The following CMC1 variants were observed in gnomAD, a reference collection of about 807,000 sequenced individuals.
CMC1 encodes COX assembly mitochondrial protein homolog.
Under a neutral mutation model 14.1 loss-of-function variants are expected in CMC1, and 14 were observed. That is an observed-to-expected ratio of 0.99 (90% CI 0.66 to 1.55). The LOEUF is 1.55. CMC1 is among the 40% of genes most tolerant of loss of function. The probability of loss-of-function intolerance (pLI) is 0.00; values close to 1 mark genes in which losing one functional copy is unlikely to be tolerated. For missense variants in CMC1, 127 were observed against 123.8 expected, an observed-to-expected ratio of 1.03 and a Z score of -0.12; for synonymous variants, 50 against 38.4, an observed-to-expected ratio of 1.30 and a Z score of -1.12.
intron 2 of CMC1, among the ~76,000 whole-genome samples, chr3:28,275,156 TGGA>T (rs1465356869): frequency 1.3e-5 from 2 of 152,122 alleles, no homozygotes; most frequent in African/African-American, 4.8e-5. Flanking sequence ...TGCGATCATT[TGGA>T]GGAGAAGAGG....
At chr3:28,282,654 T>C (rs1700959153) in intron 2 of CMC1, among the ~76,000 whole-genome samples, 2 of 152,194 alleles carry the variant, frequency 1.3e-5, no homozygotes, top group South Asian at 4.1e-4. Flanking sequence ...AAGTTCACAT[T>C]GTCAGGCTGC....
At chr3:28,296,456 T>G (rs1187770924) in intron 2 of CMC1, among the ~76,000 whole-genome samples, 1 of 152,080 alleles carries the variant, frequency 6.6e-6, no homozygotes, top group Non-Finnish European at 1.5e-5. Flanking sequence ...CCTTAGTAAT[T>G]ATTTAGCATT....
rs571863859 is a variant in CMC1 at position 28,324,127 on chromosome 3, G to A, written c.*4498G>A. The A allele has an allele frequency of 2.5e-6, 4 of 1,610,374 alleles. No homozygotes were observed. In the East Asian group the frequency reaches 8.9e-5, roughly 36 times the overall value. ...GGGTAAAGGCAAAGTTTTAGTTTTAGTTTCCCCAAATGCTGTCTCACTTGA... is the reference window on the plus strand; with the variant it reads ...GGGTAAAGGCAAAGTTTTAGTTTTAATTTCCCCAAATGCTGTCTCACTTGA... On this transcript the variant is annotated 3_prime_UTR_variant, in exon 4 of 4. Transcript: ENST00000466830.
chr3:28,290,770 A>T (rs7623696), intron 2 of CMC1, among the ~76,000 whole-genome samples: 3,608 of 152,198 alleles, frequency 0.024, 62 homozygotes, highest in Non-Finnish European at 0.038. Flanking sequence ...TAAAACGAGG[A>T]TTAACATTTG....
At chr3:28,294,757 T>C (rs1261445003) in intron 2 of CMC1, among the ~76,000 whole-genome samples, 2 of 152,142 alleles carry the variant, frequency 1.3e-5, no homozygotes, top group African/African-American at 4.8e-5. Context: ...AATTTGTTTG[T>C]GTTCATTGAG....
chr3:28,243,821 C>T (rs1429877088), intron 1 of CMC1, among the ~76,000 whole-genome samples: 1 of 152,304 alleles, frequency 6.6e-6, no homozygotes. Context: ...TACACAGACA[C>T]GTGCGTGGGC....
intron 1 of CMC1, chr3:28,253,588 A>C (rs879671317): frequency 6.6e-5 from 27 of 408,394 alleles, no homozygotes; most frequent in East Asian, 2.9e-4. Context: ...CTCAAAAAAC[A>C]AAAACCAAAA....
chr3:28,253,672 T>C, intron 1 of CMC1: 1 of 923,988 alleles, frequency 1.1e-6, no homozygotes, highest in Non-Finnish European at 1.5e-6. Flanking sequence ...ATAGAAACTA[T>C]TGCTAATGAG....
Position 28,319,609 on chromosome 3 carries a change from A to G in CMC1, c.301A>G (p.Lys101Glu). 1 of 1,607,602 alleles carries G rather than the reference A, an allele frequency of 6.2e-7. No homozygotes were observed. The highest frequency in any genetic ancestry group is 8.5e-7 in the Non-Finnish European group (1 of 1,176,658). ...TGIPTKKRLQ[K>E]LPTSM ...AATTCCTACAAAGAAAAGGCTACAG[A>G]AGCTTCCAACAAGCATGTAGGCAGA... Residue 101 changes from lysine to glutamate, a missense_variant, in exon 4 of 4, where the codon AAG (lysine) becomes GAG (glutamate). Coordinates refer to ENST00000466830, the MANE Select transcript of CMC1 (RefSeq NM_182523.2).
chr3:28,254,760 A>G (rs1266719380), intron 1 of CMC1, among the ~76,000 whole-genome samples: 2 of 152,224 alleles, frequency 1.3e-5, no homozygotes, highest in East Asian at 1.9e-4. Context: ...TGAAAATTAT[A>G]TATGTGAAAA....
intron 2 of CMC1, among the ~76,000 whole-genome samples, chr3:28,267,633 T>C (rs1700073677): frequency 6.6e-6 from 1 of 152,202 alleles, no homozygotes. Flanking sequence ...ATTTGTTTGT[T>C]TGAAACATCA....
At chr3:28,316,722 C>T in intron 3 of CMC1, 1 of 189,094 alleles carries the variant, frequency 5.3e-6, no homozygotes, top group Non-Finnish European at 1.1e-5. Context: ...AAATATAGTA[C>T]AGACTGATTT....
At position 28,308,307 on chromosome 3, in the gene CMC1, C is replaced by A. The variant is rs1010831986; in HGVS notation, c.110-8026C>A. Among the ~76,000 whole-genome samples, 8 of 151,998 alleles carry A rather than the reference C, an allele frequency of 5.3e-5. No homozygotes were observed. The East Asian group carries it at 1.4e-3, about 26-fold the overall frequency. ...AGAAAAGAAAAAGCTACTTTTATAT[C>A]TTCATGAACGGTAATACAATACATT... is the stretch of plus-strand genomic sequence containing the variant. On this transcript the variant is annotated intron_variant, in intron 2 of 3. Transcript: ENST00000466830.
chr3:28,283,500 CAG>C (rs200448151), intron 2 of CMC1, among the ~76,000 whole-genome samples: 5 of 135,190 alleles, frequency 3.7e-5, no homozygotes, highest in Middle Eastern at 4.0e-3. Context: ...GCTTGAGCAA[CAG>C]AGAGAGACTC....
At chr3:28,248,965 T>C (rs1698985065) in intron 1 of CMC1, among the ~76,000 whole-genome samples, 1 of 152,168 alleles carries the variant, frequency 6.6e-6, no homozygotes, top group Non-Finnish European at 1.5e-5. Flanking sequence ...AATTTTTTTG[T>C]ATTTTTAGTA....
At chr3:28,257,248 GAGTA>G (rs1249720498) in intron 1 of CMC1, among the ~76,000 whole-genome samples, 4 of 152,050 alleles carry the variant, frequency 2.6e-5, no homozygotes, top group Non-Finnish European at 5.9e-5. Flanking sequence ...ATTTTTCAGA[GAGTA>G]CCTTTTCAGC....
At chr3:28,293,350 A>T (rs1215327202) in intron 2 of CMC1, among the ~76,000 whole-genome samples, 1 of 151,162 alleles carries the variant, frequency 6.6e-6, no homozygotes, top group Non-Finnish European at 1.5e-5. Context: ...ACAGAATGGG[A>T]AGCATCAAAG....
intron 1 of CMC1, among the ~76,000 whole-genome samples, chr3:28,258,225 A>C (rs887143104): frequency 7.3e-5 from 11 of 150,988 alleles, no homozygotes; most frequent in African/African-American, 2.7e-4. Context: ...TATGAAATAA[A>C]TTTTTCTTCC....
At chr3:28,283,417 G>A (rs1700998468) in intron 2 of CMC1, among the ~76,000 whole-genome samples, 1 of 152,014 alleles carries the variant, frequency 6.6e-6, no homozygotes, top group Non-Finnish European at 1.5e-5. Context: ...TACTCAGGAG[G>A]CTGAAGCAAG....
Sources: gnomAD v4.1 joint callset for allele counts (sites outside exome capture counted in the v4.1 genomes callset) on GRCh38, gnomAD v4.1.1 for gene constraint, MANE v1.5 for transcripts, NCBI Gene and HGNC (gene_info 2026-07-23, HGNC 2026-07-21) for gene names.